SLC39A11: variants seen among roughly 807,000 people sequenced by gnomAD.
SLC39A11 encodes zinc transporter ZIP11.
In SLC39A11, 33 loss-of-function variants were observed where a neutral mutation model predicts 36.1. The observed-to-expected ratio is 0.91, with a 90% CI of 0.69 to 1.22. The LOEUF is 1.22. Among genes scored for constraint, SLC39A11 ranks in the 50% most tolerant of loss-of-function variants. The pLI, the probability that SLC39A11 is intolerant of heterozygous loss-of-function variation, is 0.00. For missense variants in SLC39A11, 432 were observed against 430.3 expected, an observed-to-expected ratio of 1.00 and a Z score of -0.03; for synonymous variants, 166 against 170.3, an observed-to-expected ratio of 0.97 and a Z score of 0.20.
intron 7 of SLC39A11, among the ~76,000 whole-genome samples, chr17:72,720,895 T>C (rs1450244723): frequency 6.6e-6 from 1 of 151,898 alleles, no homozygotes; most frequent in African/African-American, 2.4e-5. Flanking sequence ...CCCGAACACA[T>C]ACAATGAGGT....
At chr17:72,922,876 G>A (rs1344803765) in intron 5 of SLC39A11, among the ~76,000 whole-genome samples, 2 of 140,282 alleles carry the variant, frequency 1.4e-5, no homozygotes, top group South Asian at 4.8e-4. Context: ...GCTGAGGCAC[G>A]AGAATTCCTT....
At chr17:72,797,124 C>T (rs2145166932) in intron 6 of SLC39A11, among the ~76,000 whole-genome samples, 1 of 152,166 alleles carries the variant, frequency 6.6e-6, no homozygotes, top group East Asian at 1.9e-4. Context: ...TTCAATGTGC[C>T]TAATACAAAA....
Position 72,757,726 on chromosome 17 carries a change from T to C in SLC39A11, c.602-21007A>G, listed in dbSNP as rs549055667. ...CATGCGTCATTTCTCAGTCTGGAAGTCCTCTCCTCCAGGCAGCCATCGCTG... is the reference window on the plus strand; with the variant it reads ...CATGCGTCATTTCTCAGTCTGGAAGCCCTCTCCTCCAGGCAGCCATCGCTG... On this transcript the variant is annotated intron_variant, in intron 6 of 9. Coordinates refer to ENST00000255559, the MANE Select transcript of SLC39A11 (RefSeq NM_139177.4). 3.3e-5 allele frequency among the ~76,000 whole-genome samples: 5 copies of C among 152,056 alleles called. No individual in the cohort carries two copies. In the South Asian group the frequency reaches 1.0e-3, roughly 32 times the overall value.
chr17:73,067,819 T>C (rs112378359), intron 3 of SLC39A11: 2 of 1,508,660 alleles, frequency 1.3e-6, no homozygotes, highest in Non-Finnish European at 1.8e-6. Flanking sequence ...CAGAGCTGTC[T>C]CTTCTGTGAA....
intron 6 of SLC39A11, chr17:72,821,942 G>A (rs989310037): frequency 6.6e-6 from 1 of 151,436 alleles, no homozygotes; most frequent in Non-Finnish European, 1.5e-5. Context: ...TCCCCTGTGG[G>A]AGACCAAGCC....
chr17:72,714,800 T>C (rs9898791), intron 7 of SLC39A11, among the ~76,000 whole-genome samples: 73,103 of 152,078 alleles, frequency 0.48, 18,282 homozygotes, highest in East Asian at 0.66. Context: ...TCACCTCCTG[T>C]GGACTGCCCT....
intron 4 of SLC39A11, among the ~76,000 whole-genome samples, chr17:72,980,127 T>C (rs1441142354): frequency 6.6e-6 from 1 of 152,220 alleles, no homozygotes; most frequent in Non-Finnish European, 1.5e-5. Context: ...AAGATATTAC[T>C]GTACATGTAC....
rs530306665 is a variant in SLC39A11 at position 72,778,677 on chromosome 17, G to A, written c.602-41958C>T. Reference sequence around the variant, plus strand: ...CAGCTGCTCTGTCCACGGTAGTGGCGTCTCTATGGATGACATATGGTCATT... The same window carrying A: ...CAGCTGCTCTGTCCACGGTAGTGGCATCTCTATGGATGACATATGGTCATT... On this transcript the variant is annotated intron_variant, in intron 6 of 9. Transcript: ENST00000255559. Among the ~76,000 whole-genome samples, 36 of 152,324 alleles carry A rather than the reference G, an allele frequency of 2.4e-4. No homozygotes were observed. In the East Asian group the frequency reaches 4.2e-3, roughly 18 times the overall value.
chr17:72,979,651 C>T (rs1196129773), intron 4 of SLC39A11, among the ~76,000 whole-genome samples: 1 of 152,162 alleles, frequency 6.6e-6, no homozygotes, highest in Non-Finnish European at 1.5e-5. Flanking sequence ...CAGGCCCCTG[C>T]CTTGTCCCTA....
chr17:72,970,470 G>A (rs772922701), intron 4 of SLC39A11, among the ~76,000 whole-genome samples: 15 of 152,302 alleles, frequency 9.8e-5, no homozygotes, highest in Non-Finnish European at 1.9e-4. Context: ...AGGGAATTCT[G>A]AGCAAATGTG....
chr17:73,033,693 T>A (rs1286982141), intron 3 of SLC39A11, among the ~76,000 whole-genome samples: 4 of 152,214 alleles, frequency 2.6e-5, no homozygotes, highest in Admixed American at 1.3e-4. Context: ...ATCGTAACTA[T>A]ACGGCAGTCA....
intron 4 of SLC39A11, among the ~76,000 whole-genome samples, chr17:72,980,849 C>A (rs2088246633): frequency 6.6e-6 from 1 of 151,936 alleles, no homozygotes. Flanking sequence ...GATGGTGAAA[C>A]CCCGTCTCTA....
intron 3 of SLC39A11, among the ~76,000 whole-genome samples, chr17:73,053,220 G>T (rs1271042517): frequency 6.7e-6 from 1 of 148,854 alleles, no homozygotes; most frequent in African/African-American, 2.5e-5. Context: ...CATTATGTAT[G>T]GTATGAGCCC....
chr17:72,898,868 G>A (rs1444597421), intron 5 of SLC39A11, among the ~76,000 whole-genome samples: 2 of 152,212 alleles, frequency 1.3e-5, no homozygotes, highest in Admixed American at 1.3e-4. Flanking sequence ...CCCTGCAGCA[G>A]TTGCTCAGGG....
At chr17:72,961,488 CA>C (rs1168437867) in intron 4 of SLC39A11, among the ~76,000 whole-genome samples, 1 of 152,100 alleles carries the variant, frequency 6.6e-6, no homozygotes, top group Non-Finnish European at 1.5e-5. Flanking sequence ...GGAACCAACC[CA>C]AATGTCCATC....
intron 6 of SLC39A11, chr17:72,839,649 T>C (rs1208612394): frequency 6.6e-6 from 1 of 152,264 alleles, no homozygotes; most frequent in Non-Finnish European, 1.5e-5. Flanking sequence ...TAAATCTGGA[T>C]TGTTTTAAGC....
At chr17:72,971,445 C>T (rs1245900685) in intron 4 of SLC39A11, among the ~76,000 whole-genome samples, 1 of 152,126 alleles carries the variant, frequency 6.6e-6, no homozygotes, top group Non-Finnish European at 1.5e-5. Flanking sequence ...GGCACAGCGC[C>T]CCCCGATTTT....
intron 6 of SLC39A11, among the ~76,000 whole-genome samples, chr17:72,742,362 T>C (rs900887647): frequency 2.3e-4 from 35 of 152,276 alleles, no homozygotes; most frequent in East Asian, 7.7e-4. Context: ...CCCGTGTCCA[T>C]GGTCATGAGA....
chr17:72,860,363 A>T (rs1468733150), intron 5 of SLC39A11, among the ~76,000 whole-genome samples: 1 of 152,200 alleles, frequency 6.6e-6, no homozygotes. Flanking sequence ...CCCCTTACTC[A>T]TCTCTTCTGA....
Sources: allele counts gnomAD v4.1 joint callset (sites outside exome capture counted in the v4.1 genomes callset), GRCh38; gene constraint gnomAD v4.1.1; transcripts MANE v1.5; gene names NCBI Gene and HGNC (gene_info 2026-07-23, HGNC 2026-07-21).